CAAP1: variants seen among roughly 807,000 people sequenced by gnomAD.
CAAP1 encodes conserved anti-apoptotic protein.
CAAP1 carries 20 observed loss-of-function variants against 34.0 expected under a neutral mutation model. The ratio of observed to expected loss-of-function variants is 0.59; its 90% CI spans 0.41 to 0.86. The LOEUF is 0.86. Ranked by LOEUF, CAAP1 falls within the 40% of genes least tolerant of loss-of-function variation. The pLI is 0.00. For synonymous variants in CAAP1, 213 were observed against 166.7 expected (o/e 1.28, Z -2.14); for missense variants, 538 against 450.5 (o/e 1.19, Z -1.76).
chr9:26,883,191 G>A (rs890512624), intron 4 of CAAP1, among the ~76,000 whole-genome samples: 2 of 152,108 alleles, frequency 1.3e-5, no homozygotes, highest in Admixed American at 1.3e-4. Context: ...GAAGGGGCCG[G>A]GGCAGAATGA....
chr9:26,880,251 T>G, intron 4 of CAAP1: 1 of 412,946 alleles, frequency 2.4e-6, no homozygotes, highest in Non-Finnish European at 4.8e-6. Flanking sequence ...GACAACCAGA[T>G]AGGCCTCACT....
At chr9:26,861,873 T>A (rs1287593487) in intron 4 of CAAP1, among the ~76,000 whole-genome samples, 2 of 152,170 alleles carry the variant, frequency 1.3e-5, no homozygotes, top group African/African-American at 4.8e-5. Flanking sequence ...ATCTTCCTAC[T>A]CAGAAAGTTG....
At chr9:26,885,554 C>G (rs1199723237) in intron 3 of CAAP1, among the ~76,000 whole-genome samples, 1 of 151,928 alleles carries the variant, frequency 6.6e-6, no homozygotes, top group Non-Finnish European at 1.5e-5. Flanking sequence ...GTTTCTTCTT[C>G]TGTCATGTTA....
chr9:26,848,367 T>C (rs1197327333), intron 5 of CAAP1, among the ~76,000 whole-genome samples: 1 of 151,974 alleles, frequency 6.6e-6, no homozygotes, highest in African/African-American at 2.4e-5. Flanking sequence ...ACAAAAAAAA[T>C]TAGCCGGGCC....
At chr9:26,850,412 A>C (rs1822719152) in intron 5 of CAAP1, among the ~76,000 whole-genome samples, 2 of 152,236 alleles carry the variant, frequency 1.3e-5, no homozygotes, top group South Asian at 4.1e-4. Flanking sequence ...ACTTCTTTAG[A>C]AAGAATGTAC....
Position 26,842,175 on chromosome 9 carries a change from C to A in CAAP1, c.*126G>T. The stretch of plus-strand genomic sequence containing the variant: ...AGAAACAGCCACAGGTAATTTAGGG[C>A]TAAAATGAGTCCTAATAAGGGTTAC... On this transcript the variant is annotated 3_prime_UTR_variant, in exon 6 of 6. Coordinates refer to ENST00000333916, the MANE Select transcript of CAAP1 (RefSeq NM_024828.4). 1 of 690,120 alleles carries A rather than the reference C, an allele frequency of 1.4e-6. No individual in the cohort carries two copies. Among genetic ancestry groups the A allele is most frequent in the Non-Finnish European group, 2.3e-6 (1 of 431,694 alleles). 42.7% of individuals were successfully genotyped at this position (690,120 alleles called of 1,614,324 possible). A position where few individuals can be genotyped will look rare whatever the true frequency, so the allele number is the denominator to read the frequency against.
In CAAP1 at chr9:26,849,608, A is replaced by C. The variant is rs545238821; in HGVS notation, c.740-6961T>G. Among the ~76,000 whole-genome samples the C allele has an allele frequency of 3.5e-4, 52 of 147,856 alleles. 1 individual carries two copies. The South Asian group carries it at 0.011, about 32-fold the overall frequency. ...TTTTTTATATTTTACCTCAGGCCCA[A>C]CTGTCTTTTATTTTTCTTGGTGGAT... On this transcript the variant is annotated intron_variant, in intron 5 of 5. Transcript: ENST00000333916.
intron 5 of CAAP1, among the ~76,000 whole-genome samples, chr9:26,851,711 G>A (rs1446337702): frequency 6.6e-6 from 1 of 152,138 alleles, no homozygotes; most frequent in African/African-American, 2.4e-5. Flanking sequence ...ATAAAAGTTT[G>A]ATATCAAAAA....
At chr9:26,881,484 G>C (rs1273190216) in intron 4 of CAAP1, among the ~76,000 whole-genome samples, 1 of 152,132 alleles carries the variant, frequency 6.6e-6, no homozygotes, top group Non-Finnish European at 1.5e-5. Flanking sequence ...AAGATCTGAT[G>C]GTTTTATAAG....
Position 26,886,093 on chromosome 9 carries a change from T to A in CAAP1, c.589+11A>T, listed in dbSNP as rs1268532809. On this transcript the variant is annotated intron_variant, in intron 3 of 5. Coordinates refer to ENST00000333916, the MANE Select transcript of CAAP1 (RefSeq NM_024828.4). ...AAGAAGTTGCCAGAATGTAAAAATATGTATTCTTACCCTCAAGAATCTTCA... is the reference window on the plus strand; with the variant it reads ...AAGAAGTTGCCAGAATGTAAAAATAAGTATTCTTACCCTCAAGAATCTTCA... 2.8e-6 allele frequency: 4 copies of A among 1,416,488 alleles called. No individual in the cohort carries two copies. The highest frequency in any genetic ancestry group is 2.2e-5 in the Admixed American group (1 of 45,106). The allele number at this position is 1,416,488 out of a possible 1,614,324, so 87.7% of individuals were successfully genotyped here.
intron 5 of CAAP1, among the ~76,000 whole-genome samples, chr9:26,854,701 A>T (rs997302538): frequency 6.6e-6 from 1 of 152,232 alleles, no homozygotes; most frequent in Non-Finnish European, 1.5e-5. Flanking sequence ...CTCTTAAAGC[A>T]ACAATACGAA....
In CAAP1 at chr9:26,892,776, C is replaced by G. The variant is rs376039241; in HGVS notation, c.-61G>C. 3 of 1,481,388 alleles carry G rather than the reference C, an allele frequency of 2.0e-6. No homozygotes were observed. The highest frequency in any genetic ancestry group is 2.3e-5 in the East Asian group (1 of 43,534). 91.8% of individuals were successfully genotyped at this position (1,481,388 alleles called of 1,614,324 possible). ...TGTCTCTGGTGCGACCGAAGCCCGACTCCTGCGGCCGTGGGCGGCAGGCAC... is the reference window on the plus strand; with the variant it reads ...TGTCTCTGGTGCGACCGAAGCCCGAGTCCTGCGGCCGTGGGCGGCAGGCAC... On this transcript the variant is annotated 5_prime_UTR_variant, in exon 1 of 6. Coordinates refer to ENST00000333916, the MANE Select transcript of CAAP1 (RefSeq NM_024828.4).
intron 4 of CAAP1, among the ~76,000 whole-genome samples, chr9:26,876,418 A>G (rs1042163035): frequency 6.7e-6 from 1 of 149,672 alleles, no homozygotes; most frequent in African/African-American, 2.5e-5. Flanking sequence ...TAAAATCTGG[A>G]TATGTCTTGG....
chr9:26,890,081 G>A (rs1330348636), intron 1 of CAAP1, among the ~76,000 whole-genome samples: 1 of 151,890 alleles, frequency 6.6e-6, no homozygotes, highest in Admixed American at 6.6e-5. Context: ...TAACGGAGTG[G>A]GAAACTGGTC....
rs1181681784 is a variant in CAAP1, at chr9:26,892,475, G to C, written c.241C>G (p.Arg81Gly). The C allele has an allele frequency of 2.6e-6, 4 of 1,559,256 alleles. No homozygotes were observed. The highest frequency in any genetic ancestry group is 1.4e-5 in the African/African-American group (1 of 73,406). Reference protein sequence around the residue: ...GSCWGGSSVERSERRKRRSTD... With the variant: ...GSCWGGSSVEGSERRKRRSTD... ...CTCCTCCGCTTCCGGCGCTCGCTGC[G>C]CTCCACGCTGCTCCCGCCCCAACAG... is the stretch of plus-strand genomic sequence containing the variant. The change falls in exon 1 of 6, where the codon CGC becomes GGC. Residue 81 changes from arginine (R) to glycine (G), a missense_variant. Transcript: ENST00000333916.
intron 4 of CAAP1, among the ~76,000 whole-genome samples, chr9:26,865,192 T>C (rs1823104699): frequency 6.6e-6 from 1 of 152,162 alleles, no homozygotes; most frequent in South Asian, 2.1e-4. Flanking sequence ...AATAGACACA[T>C]ACCAATGAAT....
At chr9:26,877,092 G>A (rs1823454243) in intron 4 of CAAP1, among the ~76,000 whole-genome samples, 1 of 152,156 alleles carries the variant, frequency 6.6e-6, no homozygotes, top group Non-Finnish European at 1.5e-5. Flanking sequence ...TGAGGCTACA[G>A]TGAGCTATGT....
intron 4 of CAAP1, among the ~76,000 whole-genome samples, chr9:26,863,772 TAA>T (rs57763346): frequency 0.094 from 10,516 of 111,982 alleles, 495 homozygotes; most frequent in African/African-American, 0.14. Flanking sequence ...CCGTTTAAAT[TAA>T]AAAAAAAAAA....
At chr9:26,855,661 C>A (rs1334363063) in intron 5 of CAAP1, among the ~76,000 whole-genome samples, 1 of 152,122 alleles carries the variant, frequency 6.6e-6, no homozygotes, top group East Asian at 1.9e-4. Context: ...GATGTAGCAG[C>A]CAAAACTGCA....
Sources: allele counts gnomAD v4.1 joint callset (sites outside exome capture counted in the v4.1 genomes callset), GRCh38; gene constraint gnomAD v4.1.1; transcripts MANE v1.5; gene names NCBI Gene and HGNC (gene_info 2026-07-23, HGNC 2026-07-21).